Variants in THSD7A observed in about 807,000 individuals in gnomAD.
THSD7A encodes thrombospondin type 1 domain containing 7A.
A neutral mutation model predicts 231.3 loss-of-function variants in THSD7A; 96 were observed. The ratio of observed to expected loss-of-function variants is 0.41; its 90% CI spans 0.35 to 0.49. The LOEUF (loss-of-function observed/expected upper bound fraction) is 0.49. Ranked by LOEUF, THSD7A falls within the 20% of genes least tolerant of loss-of-function variation. THSD7A has a pLI of 0.05. For synonymous variants in THSD7A, 940 were observed against 743.3 expected, an observed-to-expected ratio of 1.26 and a Z score of -4.30; for missense variants, 2,290 against 2,070.2, an observed-to-expected ratio of 1.11 and a Z score of -2.06.
intron 1 of THSD7A, among the ~76,000 whole-genome samples, chr7:11,648,638 G>A (rs1043660493): frequency 6.7e-5 from 2 of 29,764 alleles, no homozygotes; most frequent in South Asian, 6.2e-4. Context: ...ATTTTGTGGC[G>A]TGTGTGTGTG....
At chr7:11,819,361 C>T (rs909210164) in intron 1 of THSD7A, among the ~76,000 whole-genome samples, 15 of 152,160 alleles carry the variant, frequency 9.9e-5, no homozygotes, top group African/African-American at 3.6e-4. Context: ...CTTACATCCA[C>T]ACAAAAATAT....
chr7:11,699,280 TG>T (rs1780501263), intron 1 of THSD7A, among the ~76,000 whole-genome samples: 1 of 151,344 alleles, frequency 6.6e-6, no homozygotes, highest in Non-Finnish European at 1.5e-5. Flanking sequence ...AGTATATAAA[TG>T]TATTTTAAAG....
At chr7:11,521,568 G>A (rs548983740) in intron 6 of THSD7A, among the ~76,000 whole-genome samples, 3 of 141,932 alleles carry the variant, frequency 2.1e-5, no homozygotes, top group African/African-American at 5.5e-5. Flanking sequence ...GTATACATGT[G>A]CCATGCTGGT....
intron 1 of THSD7A, among the ~76,000 whole-genome samples, chr7:11,779,150 T>C (rs1468914957): frequency 6.6e-6 from 1 of 152,170 alleles, no homozygotes; most frequent in African/African-American, 2.4e-5. Flanking sequence ...ACACCTAATG[T>C]AATGTCATTT....
At chr7:11,715,438 A>G (rs1781103530) in intron 1 of THSD7A, among the ~76,000 whole-genome samples, 1 of 151,452 alleles carries the variant, frequency 6.6e-6, no homozygotes, top group Non-Finnish European at 1.5e-5. Flanking sequence ...CTCTTTCTAA[A>G]TGGTTTTACT....
intron 1 of THSD7A, among the ~76,000 whole-genome samples, chr7:11,780,714 T>C (rs1268163993): frequency 3.3e-5 from 5 of 152,138 alleles, no homozygotes; most frequent in Non-Finnish European, 7.3e-5. Context: ...AAAAAATAAA[T>C]GTTTATTGTT....
chr7:11,772,764 C>A (rs534743340), intron 1 of THSD7A, among the ~76,000 whole-genome samples: 1 of 152,262 alleles, frequency 6.6e-6, no homozygotes, highest in East Asian at 1.9e-4. Context: ...ATAGTGTACT[C>A]TGCTCACTAC....
At chr7:11,457,393 ACTCTTTTATTTTTATCT>A (rs1785342283) in intron 11 of THSD7A, among the ~76,000 whole-genome samples, 1 of 151,820 alleles carries the variant, frequency 6.6e-6, no homozygotes, top group Admixed American at 6.6e-5. Context: ...ATCAACTTTG[ACTCTTTTATTTTTATCT>A]CTCTTCTATT....
chr7:11,790,952 TA>T (rs1783934008), intron 1 of THSD7A, among the ~76,000 whole-genome samples: 1 of 151,978 alleles, frequency 6.6e-6, no homozygotes, highest in African/African-American at 2.4e-5. Context: ...CAAAATCCGT[TA>T]TAGAGATCCC....
chr7:11,563,197 TAAAA>T (rs11392778), intron 4 of THSD7A, among the ~76,000 whole-genome samples: 1 of 151,408 alleles, frequency 6.6e-6, no homozygotes, highest in Non-Finnish European at 1.5e-5. Context: ...CCATCATACT[TAAAA>T]AAAATTTATA....
At chr7:11,729,164 C>T (rs867742891) in intron 1 of THSD7A, among the ~76,000 whole-genome samples, 1 of 151,698 alleles carries the variant, frequency 6.6e-6, no homozygotes, top group Non-Finnish European at 1.5e-5. Flanking sequence ...GAAGAACCAG[C>T]ATATCAAATT....
At chr7:11,584,643 A>C (rs1348879730) in intron 4 of THSD7A, among the ~76,000 whole-genome samples, 1 of 152,178 alleles carries the variant, frequency 6.6e-6, no homozygotes, top group Non-Finnish European at 1.5e-5. Context: ...CCTGATTCCT[A>C]TCTGGGGTTC....
chr7:11,643,600 C>CGT (rs1419610423), intron 1 of THSD7A, among the ~76,000 whole-genome samples: 11 of 97,184 alleles, frequency 1.1e-4, no homozygotes, highest in East Asian at 9.7e-4. Context: ...CACACGCACG[C>CGT]GCGCACACAC....
intron 1 of THSD7A, among the ~76,000 whole-genome samples, chr7:11,673,455 T>C (rs1477381906): frequency 2.0e-5 from 3 of 152,172 alleles, no homozygotes; most frequent in Non-Finnish European, 4.4e-5. Context: ...TTGCAGCACC[T>C]GCTGTCTGCC....
rs1318356600 is a variant in THSD7A at position 11,444,740 on chromosome 7, TA to T, written c.3064+1320del. ...CTTTCTGTACATGTATCCCAGAACT[TA>T]AAGTATAACAAAAAAAAAGAGAGGG... On this transcript the variant is annotated intron_variant, in intron 13 of 27. Coordinates refer to ENST00000423059, the MANE Select transcript of THSD7A (RefSeq NM_015204.3). This position sits in a 1 kb window ranked among gnomAD's most constrained non-coding sequence, Gnocchi z 4.2. 1.3e-5 allele frequency among the ~76,000 whole-genome samples: 2 copies of T among 150,686 alleles called. No individual in the cohort carries two copies. Among genetic ancestry groups the T allele is most frequent in the African/African-American group, 4.9e-5 (2 of 40,944 alleles).
intron 6 of THSD7A, among the ~76,000 whole-genome samples, chr7:11,494,171 C>T (rs541144889): frequency 6.6e-6 from 1 of 152,062 alleles, no homozygotes; most frequent in African/African-American, 2.4e-5. Context: ...TTGATGTGGG[C>T]TGGTCTGCAT....
intron 1 of THSD7A, among the ~76,000 whole-genome samples, chr7:11,686,422 G>A (rs909091466): frequency 6.6e-6 from 1 of 151,854 alleles, no homozygotes; most frequent in Non-Finnish European, 1.5e-5. Context: ...TTCTGGAGAA[G>A]ATTGCTCATG....
chr7:11,794,348 A>T (rs1166951753), intron 1 of THSD7A, among the ~76,000 whole-genome samples: 1 of 152,010 alleles, frequency 6.6e-6, no homozygotes, highest in African/African-American at 2.4e-5. Flanking sequence ...TGAGAATTTC[A>T]TATTGAGTCC....
At chr7:11,587,399 C>T (rs1406355237) in intron 4 of THSD7A, among the ~76,000 whole-genome samples, 2 of 152,190 alleles carry the variant, frequency 1.3e-5, no homozygotes, top group African/African-American at 4.8e-5. Context: ...AAATTCTGCT[C>T]ACCTGAATAT....
Sources: gnomAD v4.1 joint callset for allele counts (sites outside exome capture counted in the v4.1 genomes callset) on GRCh38, gnomAD v4.1.1 for gene constraint, Gnocchi (gnomAD v3.1) non-coding constraint, MANE v1.5 for transcripts, NCBI Gene and HGNC (gene_info 2026-07-23, HGNC 2026-07-21) for gene names.